The following PRMT3 variants were observed in gnomAD, a reference collection of about 807,000 sequenced individuals.
PRMT3 encodes the protein protein arginine N-methyltransferase 3.
Under a neutral mutation model 71.9 loss-of-function variants are expected in PRMT3, and 62 were observed. The observed-to-expected ratio is 0.86, with a 90% CI of 0.70 to 1.07. The LOEUF is 1.07. Ranked by LOEUF, PRMT3 falls within the 50% of genes least tolerant of loss-of-function variation. The pLI, the probability that PRMT3 is intolerant of heterozygous loss-of-function variation, is 0.00. For synonymous variants in PRMT3, 213 were observed against 220.4 expected (o/e 0.97, Z 0.30); for missense variants, 663 against 643.0 (o/e 1.03, Z -0.34).
chr11:20,391,454 G>C (rs190745536), intron 3 of PRMT3, among the ~76,000 whole-genome samples: 1 of 152,238 alleles, frequency 6.6e-6, no homozygotes, highest in East Asian at 1.9e-4. Flanking sequence ...TGTTGGTCAG[G>C]CTGGTCTGGA....
At chr11:20,495,466 G>T (rs1851311284) in intron 15 of PRMT3, among the ~76,000 whole-genome samples, 1 of 152,006 alleles carries the variant, frequency 6.6e-6, no homozygotes. Flanking sequence ...GAGCTATGAT[G>T]ATACCACTGC....
intron 13 of PRMT3, among the ~76,000 whole-genome samples, chr11:20,475,939 G>C (rs1050012589): frequency 2.6e-5 from 4 of 151,618 alleles, no homozygotes; most frequent in Non-Finnish European, 4.4e-5. Context: ...GCCTCCCAAA[G>C]TGCTGGGATT....
intron 10 of PRMT3, among the ~76,000 whole-genome samples, chr11:20,435,782 C>T (rs1005078902): frequency 6.6e-6 from 1 of 152,214 alleles, no homozygotes. Flanking sequence ...CCAGCTTTGC[C>T]GTTTTTGCTC....
At chr11:20,465,521 ATAC>A (rs1850491901) in intron 13 of PRMT3, among the ~76,000 whole-genome samples, 1 of 152,020 alleles carries the variant, frequency 6.6e-6, no homozygotes, top group Non-Finnish European at 1.5e-5. Context: ...TCGATATATT[ATAC>A]ACAAGACTTC....
chr11:20,404,130 A>C (rs1179356171), intron 8 of PRMT3, among the ~76,000 whole-genome samples: 3 of 145,124 alleles, frequency 2.1e-5, no homozygotes, highest in Non-Finnish European at 4.5e-5. Flanking sequence ...GATTTCATTT[A>C]AAAATTATAG....
chr11:20,415,174 A>G (rs1849277796), intron 9 of PRMT3, among the ~76,000 whole-genome samples: 1 of 152,070 alleles, frequency 6.6e-6, no homozygotes, highest in Admixed American at 6.6e-5. Context: ...GCCAAAGAGA[A>G]ATTTGAACCA....
At chr11:20,399,378 A>G (rs1311978153) in intron 7 of PRMT3, among the ~76,000 whole-genome samples, 1 of 152,166 alleles carries the variant, frequency 6.6e-6, no homozygotes, top group Non-Finnish European at 1.5e-5. Flanking sequence ...TACTAATTGC[A>G]TGTCATGGTT....
intron 10 of PRMT3, among the ~76,000 whole-genome samples, chr11:20,437,460 T>C (rs6483685): frequency 1.3e-5 from 2 of 152,176 alleles, no homozygotes; most frequent in East Asian, 3.9e-4. Context: ...GTGGTGAGTA[T>C]GTTTCCAGAT....
chr11:20,475,638 G>A (rs955073492), intron 13 of PRMT3, among the ~76,000 whole-genome samples: 1 of 148,624 alleles, frequency 6.7e-6, no homozygotes, highest in Middle Eastern at 3.2e-3. Flanking sequence ...AGTGTCATGA[G>A]AGATACTTAA....
Position 20,453,198 on chromosome 11 carries a change from C to T in PRMT3, c.1072+990C>T, listed in dbSNP as rs546848683. 2.0e-5 allele frequency among the ~76,000 whole-genome samples: 3 copies of T among 151,590 alleles called. No homozygotes were observed. In the East Asian group the frequency reaches 5.8e-4, roughly 29 times the overall value. On this transcript the variant is annotated intron_variant, in intron 11 of 15. Coordinates refer to ENST00000331079, the MANE Select transcript of PRMT3 (RefSeq NM_005788.4). ...GTTTTGGTACAGTTAAAAATCAGGC[C>T]GGCTGGGTGCAGTGGCTCACGCTTG...
chr11:20,418,326 TA>T (rs1849353369), intron 9 of PRMT3, among the ~76,000 whole-genome samples: 3 of 152,204 alleles, frequency 2.0e-5, no homozygotes, highest in Admixed American at 6.5e-5. Flanking sequence ...AAAATCTGTA[TA>T]TTTTTTTCAC....
At chr11:20,422,445 T>C (rs1849448169) in intron 9 of PRMT3, among the ~76,000 whole-genome samples, 1 of 152,214 alleles carries the variant, frequency 6.6e-6, no homozygotes, top group African/African-American at 2.4e-5. Context: ...AAGAAGTCTT[T>C]CAGTGAGGAA....
At chr11:20,428,008 G>A (rs1849583783) in intron 10 of PRMT3, among the ~76,000 whole-genome samples, 1 of 152,082 alleles carries the variant, frequency 6.6e-6, no homozygotes, top group African/African-American at 2.4e-5. Context: ...TAATGTAGTA[G>A]TGTAGGGAGT....
chr11:20,399,714 C>T (rs547562031), intron 7 of PRMT3, among the ~76,000 whole-genome samples: 1 of 152,138 alleles, frequency 6.6e-6, no homozygotes, highest in African/African-American at 2.4e-5. Context: ...TGAGTACAAT[C>T]ATCAGGGAAA....
intron 5 of PRMT3, among the ~76,000 whole-genome samples, chr11:20,394,246 C>A (rs2133299684): frequency 6.6e-6 from 1 of 152,304 alleles, no homozygotes; most frequent in South Asian, 2.1e-4. Context: ...AGTAAATGGA[C>A]ACTGATTTTG....
In PRMT3 at chr11:20,387,949, C is replaced by A. The variant is rs1260500713; in HGVS notation, c.29-70C>A. On this transcript the variant is annotated intron_variant, in intron 1 of 15. Transcript: ENST00000331079. The surrounding 1 kb of genome is among the most constrained non-coding windows in gnomAD (Gnocchi z 4.3). ...AACGGGGCGGAGGAGAGCCCATCGTCACCTGCTCCTCGAGCCCCCGGGCCG... is the reference window on the plus strand; with the variant it reads ...AACGGGGCGGAGGAGAGCCCATCGTAACCTGCTCCTCGAGCCCCCGGGCCG... 3 of 1,606,586 alleles carry A rather than the reference C, an allele frequency of 1.9e-6. No homozygotes were observed. Among genetic ancestry groups the A allele is most frequent in the Non-Finnish European group, 2.6e-6 (3 of 1,176,284 alleles).
At chr11:20,439,632 A>G (rs1849841464) in intron 10 of PRMT3, among the ~76,000 whole-genome samples, 2 of 152,168 alleles carry the variant, frequency 1.3e-5, no homozygotes, top group African/African-American at 4.8e-5. Flanking sequence ...TCCATTTTAG[A>G]ACTGATGAAA....
At position 20,426,857 on chromosome 11, in the gene PRMT3, G is replaced by T; in HGVS notation, c.985G>T (p.Glu329Ter). 6.5e-7 allele frequency: 1 copy of T among 1,529,610 alleles called. No individual in the cohort carries two copies. Among genetic ancestry groups the T allele is most frequent in the South Asian group, 1.3e-5 (1 of 75,330 alleles). 94.8% of individuals were successfully genotyped at this position (1,529,610 alleles called of 1,614,324 possible). A position where few individuals can be genotyped will look rare whatever the true frequency, so the allele number is the denominator to read the frequency against. ...PVEKVDVIIS[E>*]WMGYFLLFES... ...AGAAAAAGTAGATGTTATCATATCT[G>T]AGTGGATGGTGAGTGTTTATAGAAA... is the stretch of plus-strand genomic sequence containing the variant. Residue 329 changes from glutamate to a stop codon, truncating the protein, a stop_gained, in exon 10 of 16, where the codon GAG becomes TAG. Transcript: ENST00000331079. LOFTEE classifies it high-confidence loss of function.
rs149067015 is a variant in PRMT3 at position 20,508,678 on chromosome 11, G to A, written c.*265G>A. On this transcript the variant is annotated 3_prime_UTR_variant, in exon 16 of 16. Coordinates refer to ENST00000331079, the MANE Select transcript of PRMT3 (RefSeq NM_005788.4). ...TAACCAAATGTAACTCCCACATTGAGTTTATCTATATTGAAAATCATTTAC... is the reference window on the plus strand; with the variant it reads ...TAACCAAATGTAACTCCCACATTGAATTTATCTATATTGAAAATCATTTAC... The A allele has an allele frequency of 9.1e-6, 5 of 549,018 alleles. No individual in the cohort carries two copies. Among genetic ancestry groups the A allele is most frequent in the African/African-American group, 7.5e-5 (4 of 53,624 alleles). 34.0% of individuals were successfully genotyped at this position (549,018 alleles called of 1,614,324 possible). A position where few individuals can be genotyped will look rare whatever the true frequency, so the allele number is the denominator to read the frequency against.
Sources: gnomAD v4.1 joint callset for allele counts (sites outside exome capture counted in the v4.1 genomes callset) on GRCh38, gnomAD v4.1.1 for gene constraint, Gnocchi (gnomAD v3.1) non-coding constraint, MANE v1.5 for transcripts, NCBI Gene and HGNC (gene_info 2026-07-23, HGNC 2026-07-21) for gene names.